Variants in PPP1R9A observed in about 807,000 individuals in gnomAD.
PPP1R9A encodes the protein neurabin-1.
Under a neutral mutation model 141.9 loss-of-function variants are expected in PPP1R9A, and 59 were observed. The observed-to-expected ratio is 0.42, with a 90% CI of 0.34 to 0.52. PPP1R9A has a LOEUF of 0.52. Ranked by LOEUF, PPP1R9A falls within the 20% of genes least tolerant of loss-of-function variation. The probability of loss-of-function intolerance (pLI) is 0.10; values close to 1 mark genes in which losing one functional copy is unlikely to be tolerated. For synonymous variants in PPP1R9A, 500 were observed against 569.7 expected, an observed-to-expected ratio of 0.88 and a Z score of 1.74; for missense variants, 1,444 against 1,611.9, an observed-to-expected ratio of 0.90 and a Z score of 1.78.
chr7:95,213,304 ATCTT>A (rs886719881), intron 7 of PPP1R9A, among the ~76,000 whole-genome samples: 6 of 147,904 alleles, frequency 4.1e-5, no homozygotes, highest in African/African-American at 7.5e-5. Flanking sequence ...TGGTTGTACT[ATCTT>A]TCTTTCTCTT....
At chr7:95,061,699 G>A (rs866333686) in intron 2 of PPP1R9A, among the ~76,000 whole-genome samples, 3 of 152,114 alleles carry the variant, frequency 2.0e-5, no homozygotes, top group African/African-American at 4.8e-5. Context: ...TTGTGCCACT[G>A]CCCTCCAGCT....
chr7:95,034,303 T>C (rs1227049034), intron 2 of PPP1R9A, among the ~76,000 whole-genome samples: 2 of 152,088 alleles, frequency 1.3e-5, no homozygotes, highest in East Asian at 3.8e-4. Context: ...ATAATATCAA[T>C]AAACATAATA....
chr7:95,224,284 G>A (rs940835896), intron 7 of PPP1R9A, among the ~76,000 whole-genome samples: 10 of 152,042 alleles, frequency 6.6e-5, no homozygotes, highest in African/African-American at 2.4e-4. Flanking sequence ...TTATATTTGG[G>A]GAAAGTAAAG....
intron 2 of PPP1R9A, among the ~76,000 whole-genome samples, chr7:95,019,289 A>G (rs1410990965): frequency 6.6e-6 from 1 of 152,154 alleles, no homozygotes; most frequent in African/African-American, 2.4e-5. Context: ...CAGCTGAGGC[A>G]CAAGAATCAA....
chr7:95,020,937 G>A (rs533029397), intron 2 of PPP1R9A, among the ~76,000 whole-genome samples: 7 of 152,282 alleles, frequency 4.6e-5, no homozygotes, highest in African/African-American at 1.7e-4. Context: ...GTAAACATAC[G>A]TGTGCATGTG....
chr7:95,218,793 C>G (rs1050408674), intron 7 of PPP1R9A, among the ~76,000 whole-genome samples: 12 of 152,110 alleles, frequency 7.9e-5, no homozygotes, highest in Non-Finnish European at 1.5e-5. Flanking sequence ...ATTGCAACCC[C>G]TGCCTTTTTT....
At chr7:94,929,474 CA>C (rs2150812289) in intron 2 of PPP1R9A, among the ~76,000 whole-genome samples, 1 of 152,106 alleles carries the variant, frequency 6.6e-6, no homozygotes, top group African/African-American at 2.4e-5. Flanking sequence ...CAGCGAGGCA[CA>C]GAAAAGAGAA....
At chr7:94,918,825 G>A (rs1792410572) in intron 2 of PPP1R9A, among the ~76,000 whole-genome samples, 1 of 152,208 alleles carries the variant, frequency 6.6e-6, no homozygotes, top group African/African-American at 2.4e-5. Context: ...GCACACTACA[G>A]GAAAGTCTAG....
At chr7:95,227,747 G>C (rs1795346614) in intron 8 of PPP1R9A, among the ~76,000 whole-genome samples, 1 of 151,974 alleles carries the variant, frequency 6.6e-6, no homozygotes, top group African/African-American at 2.4e-5. Flanking sequence ...TGTGTAATGT[G>C]GCTGATTTAT....
chr7:94,997,775 AC>A (rs904992537), intron 2 of PPP1R9A, among the ~76,000 whole-genome samples: 12 of 152,056 alleles, frequency 7.9e-5, no homozygotes, highest in African/African-American at 2.9e-4. Context: ...GCTCACTAGT[AC>A]TCAGCCCTAC....
intron 8 of PPP1R9A, among the ~76,000 whole-genome samples, chr7:95,232,787 A>G (rs1473172035): frequency 2.0e-5 from 3 of 152,132 alleles, no homozygotes; most frequent in Non-Finnish European, 4.4e-5. Flanking sequence ...ATCACTGGTC[A>G]TTGGAGAAAT....
chr7:95,070,612 C>CATATATATATATAT (rs1189594255), intron 2 of PPP1R9A, among the ~76,000 whole-genome samples: 15 of 79,866 alleles, frequency 1.9e-4, no homozygotes, highest in African/African-American at 6.8e-4. Context: ...TATATATATA[C>CATATATATATATAT]ACACACACAC....
intron 2 of PPP1R9A, among the ~76,000 whole-genome samples, chr7:95,062,538 C>T (rs901383010): frequency 2.0e-5 from 3 of 151,828 alleles, no homozygotes; most frequent in Admixed American, 2.0e-4. Flanking sequence ...CAGGTGTGTG[C>T]CACCACACCT....
At chr7:95,282,318 C>T (rs953142614) in intron 16 of PPP1R9A, among the ~76,000 whole-genome samples, 16 of 151,942 alleles carry the variant, frequency 1.1e-4, no homozygotes, top group African/African-American at 2.4e-4. Flanking sequence ...GGTTACAGAG[C>T]GAGACCCTGT....
chr7:95,076,511 T>C (rs764690780), intron 2 of PPP1R9A, among the ~76,000 whole-genome samples: 7 of 152,180 alleles, frequency 4.6e-5, no homozygotes, highest in Non-Finnish European at 8.8e-5. Context: ...TCAATCTGTC[T>C]ACTCCTACAC....
intron 2 of PPP1R9A, among the ~76,000 whole-genome samples, chr7:95,097,407 T>A (rs1234614030): frequency 1.5e-5 from 2 of 132,200 alleles, no homozygotes. Context: ...AATCAATGGC[T>A]CAAAAGAGAG....
chr7:94,954,863 GTA>G (rs1481002891), intron 2 of PPP1R9A, among the ~76,000 whole-genome samples: 23 of 143,230 alleles, frequency 1.6e-4, no homozygotes, highest in African/African-American at 5.2e-4. Context: ...GTGTGTGTGT[GTA>G]TATGTATATG....
chr7:94,971,947 A>G (rs1798898620), intron 2 of PPP1R9A, among the ~76,000 whole-genome samples: 1 of 152,176 alleles, frequency 6.6e-6, no homozygotes, highest in South Asian at 2.1e-4. Context: ...TTTGTGTTGA[A>G]GAAGGCTTCC....
intron 7 of PPP1R9A, among the ~76,000 whole-genome samples, chr7:95,209,289 G>A (rs1186234323): frequency 6.6e-6 from 1 of 152,124 alleles, no homozygotes; most frequent in East Asian, 1.9e-4. Flanking sequence ...TTACAAAATG[G>A]CTTAAAACTC....
Sources: gnomAD v4.1 joint callset for allele counts (sites outside exome capture counted in the v4.1 genomes callset) on GRCh38, gnomAD v4.1.1 for gene constraint, MANE v1.5 for transcripts, NCBI Gene and HGNC (gene_info 2026-07-23, HGNC 2026-07-21) for gene names.